The following UBE2V2 variants were observed in gnomAD, a reference collection of about 807,000 sequenced individuals.
UBE2V2 encodes the protein ubiquitin conjugating enzyme E2 V2.
In UBE2V2, 9 loss-of-function variants were observed where a neutral mutation model predicts 17.2. The ratio of observed to expected loss-of-function variants is 0.52; its 90% CI spans 0.32 to 0.91. UBE2V2 has a LOEUF of 0.91. UBE2V2 is among the 40% of genes least tolerant of loss of function. UBE2V2 has a pLI of 0.04. For synonymous variants in UBE2V2, 61 were observed against 57.5 expected (o/e 1.06, Z -0.28); for missense variants, 133 against 182.6 (o/e 0.73, Z 1.56).
At chr8:48,009,305 T>G (rs1030973503) in intron 1 of UBE2V2, among the ~76,000 whole-genome samples, 6 of 151,488 alleles carry the variant, frequency 4.0e-5, no homozygotes, top group Non-Finnish European at 1.5e-5. Flanking sequence ...CTCACCCTGT[T>G]GCCCAGTTGG....
intron 1 of UBE2V2, among the ~76,000 whole-genome samples, chr8:48,039,906 T>A (rs906342231): frequency 2.0e-5 from 3 of 152,102 alleles, no homozygotes; most frequent in Non-Finnish European, 4.4e-5. Context: ...ATTTTTGTAT[T>A]TTTTGTAGAG....
At chr8:48,008,301 G>A (rs1433689541), upstream of UBE2V2, 13 of 952,214 alleles carry the variant, frequency 1.4e-5, no homozygotes, top group Non-Finnish European at 1.8e-5. Context: ...GAGGCCCCGC[G>A]ACCCCTCGGC....
intron 2 of UBE2V2, chr8:48,049,436 C>A (rs1236067518): frequency 1.9e-5 from 3 of 161,552 alleles, no homozygotes; most frequent in African/African-American, 7.2e-5. Context: ...AAAACAGAAA[C>A]CTTCATATAT....
At chr8:48,055,933 T>C (rs1266189680) in intron 3 of UBE2V2, among the ~76,000 whole-genome samples, 1 of 152,106 alleles carries the variant, frequency 6.6e-6, no homozygotes, top group East Asian at 1.9e-4. Flanking sequence ...TAATTTTTTG[T>C]ATTTTTAGTA....
intron 1 of UBE2V2, among the ~76,000 whole-genome samples, chr8:48,009,896 A>G (rs2091215687): frequency 6.6e-6 from 1 of 152,186 alleles, no homozygotes; most frequent in Admixed American, 6.6e-5. Flanking sequence ...TTTTAGTGTT[A>G]TGACTTTACT....
At chr8:48,019,977 A>G (rs1303087233) in intron 1 of UBE2V2, among the ~76,000 whole-genome samples, 2 of 152,136 alleles carry the variant, frequency 1.3e-5, no homozygotes, top group African/African-American at 4.8e-5. Context: ...TCTGTCTAAA[A>G]AGAAAAACAA....
At chr8:48,008,290 C>G (rs2154506503), upstream of UBE2V2, 1 of 778,390 alleles carries the variant, frequency 1.3e-6, no homozygotes, top group Non-Finnish European at 1.8e-6. Context: ...GAAACAGCAG[C>G]GAGGCCCCGC....
chr8:48,003,425 C>T (rs1457106095), upstream of UBE2V2, among the ~76,000 whole-genome samples: 1 of 152,094 alleles, frequency 6.6e-6, no homozygotes, highest in Non-Finnish European at 1.5e-5. Context: ...TTGTCCTCAA[C>T]AGGAGAAAGA....
chr8:48,043,873 TA>T (rs1417675647), intron 2 of UBE2V2, among the ~76,000 whole-genome samples: 11 of 152,136 alleles, frequency 7.2e-5, no homozygotes, highest in African/African-American at 2.4e-4. Context: ...TTCTTGGGTT[TA>T]TGAAGTTTTA....
intron 1 of UBE2V2, among the ~76,000 whole-genome samples, chr8:48,026,335 G>T (rs2091344823): frequency 6.6e-6 from 1 of 152,076 alleles, no homozygotes; most frequent in Admixed American, 6.6e-5. Flanking sequence ...CACCTTTGAG[G>T]GATGCTTCAT....
At chr8:48,015,716 C>T (rs1400079827) in intron 1 of UBE2V2, among the ~76,000 whole-genome samples, 1 of 152,026 alleles carries the variant, frequency 6.6e-6, no homozygotes, top group African/African-American at 2.4e-5. Context: ...AATTTTGACT[C>T]CATATATGAG....
intron 1 of UBE2V2, among the ~76,000 whole-genome samples, chr8:48,013,258 T>C (rs2091245975): frequency 6.6e-6 from 1 of 152,282 alleles, no homozygotes; most frequent in Non-Finnish European, 1.5e-5. Flanking sequence ...TTAATGTACT[T>C]TTGCTGTCCT....
At chr8:48,005,460 A>T (rs1007672062), upstream of UBE2V2, among the ~76,000 whole-genome samples, 1 of 152,198 alleles carries the variant, frequency 6.6e-6, no homozygotes, top group Non-Finnish European at 1.5e-5. Flanking sequence ...GCTATTGTGA[A>T]CAGTGCCACA....
At chr8:48,025,761 G>T (rs1397763057) in intron 1 of UBE2V2, among the ~76,000 whole-genome samples, 1 of 151,684 alleles carries the variant, frequency 6.6e-6, no homozygotes, top group South Asian at 2.1e-4. Context: ...CACCACGACC[G>T]GCTAATTTTT....
At chr8:48,035,434 TCTA>T (rs1452326208) in intron 1 of UBE2V2, among the ~76,000 whole-genome samples, 1 of 151,754 alleles carries the variant, frequency 6.6e-6, no homozygotes, top group Non-Finnish European at 1.5e-5. Flanking sequence ...GCTCCCCTCT[TCTA>T]CTGATAAAAC....
intron 3 of UBE2V2, among the ~76,000 whole-genome samples, chr8:48,058,585 A>G (rs1234457973): frequency 6.6e-6 from 1 of 151,818 alleles, no homozygotes; most frequent in East Asian, 1.9e-4. Context: ...CAAAAAAAAA[A>G]AAAAAAAGAA....
Position 48,063,518 on chromosome 8 carries a change from T to C in UBE2V2, c.*2690T>C, listed in dbSNP as rs185323501. On this transcript the variant is annotated 3_prime_UTR_variant, in exon 4 of 4. Transcript: ENST00000523111. ...AGTGAGACCCTTGAGGATGATCATA[T>C]ACTAATAAAGATTACCAAAAGAAAC... 1 of 152,346 alleles carries C rather than the reference T, an allele frequency of 6.6e-6. No homozygotes were observed. Among genetic ancestry groups the C allele is most frequent in the East Asian group, 1.9e-4 (1 of 5,192 alleles). 9.4% of individuals were successfully genotyped at this position (152,346 alleles called of 1,614,324 possible). A position where few individuals can be genotyped will look rare whatever the true frequency, so the allele number is the denominator to read the frequency against.
chr8:48,033,302 T>TCTGC (rs1216602179), intron 1 of UBE2V2, among the ~76,000 whole-genome samples: 1 of 152,066 alleles, frequency 6.6e-6, no homozygotes, highest in Non-Finnish European at 1.5e-5. Flanking sequence ...TTCTCCTGCC[T>TCTGC]CTGCCACCTG....
chr8:48,035,300 T>A (rs2091414785), intron 1 of UBE2V2, among the ~76,000 whole-genome samples: 1 of 151,748 alleles, frequency 6.6e-6, no homozygotes, highest in African/African-American at 2.4e-5. Flanking sequence ...TTGGTATTTT[T>A]AGTAGAGACG....
Sources: gnomAD v4.1 joint callset for allele counts (sites outside exome capture counted in the v4.1 genomes callset) on GRCh38, gnomAD v4.1.1 for gene constraint, MANE v1.5 for transcripts, NCBI Gene and HGNC (gene_info 2026-07-23, HGNC 2026-07-21) for gene names.